Variants in PDE7B observed in about 807,000 individuals in gnomAD.
PDE7B encodes the protein 3',5'-cyclic-AMP phosphodiesterase 7B.
In PDE7B, 29 loss-of-function variants were observed where a neutral mutation model predicts 56.2. That is an observed-to-expected ratio of 0.52 (90% CI 0.38 to 0.70). The LOEUF is 0.70. Among genes scored for constraint, PDE7B ranks in the 30% least tolerant of loss-of-function variants. The pLI is 0.00. For synonymous variants in PDE7B, 197 were observed against 196.9 expected (o/e 1.00, Z 0.00); for missense variants, 490 against 565.0 (o/e 0.87, Z 1.35).
chr6:136,022,899 G>A (rs954404539), intron 2 of PDE7B, among the ~76,000 whole-genome samples: 1 of 152,222 alleles, frequency 6.6e-6, no homozygotes, highest in African/African-American at 2.4e-5. Context: ...TGAGAGGGTG[G>A]GAGAAACTAC....
intron 2 of PDE7B, chr6:136,094,841 T>A (rs994120715): frequency 6.6e-6 from 1 of 152,130 alleles, no homozygotes; most frequent in Non-Finnish European, 1.5e-5. Flanking sequence ...ATCCAGTTGG[T>A]CTACAGTCCA....
intron 3 of PDE7B, among the ~76,000 whole-genome samples, chr6:136,121,814 G>A (rs1287131115): frequency 1.3e-5 from 2 of 152,152 alleles, no homozygotes; most frequent in African/African-American, 4.8e-5. Context: ...CCAGGTATGG[G>A]AAAATGCTGA....
intron 2 of PDE7B, among the ~76,000 whole-genome samples, chr6:136,080,912 G>T (rs1484553975): frequency 1.3e-5 from 2 of 152,194 alleles, no homozygotes; most frequent in Admixed American, 6.5e-5. Context: ...GGGGAATGTG[G>T]TCTGGGAAAG....
At chr6:135,928,521 A>ATG (rs1774239215) in intron 1 of PDE7B, among the ~76,000 whole-genome samples, 1 of 134,234 alleles carries the variant, frequency 7.4e-6, no homozygotes, top group African/African-American at 2.7e-5. Flanking sequence ...ATATTTATTT[A>ATG]TATATATACA....
intron 3 of PDE7B, among the ~76,000 whole-genome samples, chr6:136,110,176 C>T (rs1205675510): frequency 1.3e-5 from 2 of 152,128 alleles, no homozygotes; most frequent in Non-Finnish European, 2.9e-5. Context: ...CTAGAGATAA[C>T]CTTCCCTACC....
chr6:136,002,938 C>T (rs1030763208), intron 2 of PDE7B, among the ~76,000 whole-genome samples: 19 of 151,836 alleles, frequency 1.3e-4, no homozygotes, highest in Non-Finnish European at 2.1e-4. Flanking sequence ...CAAAATTGAC[C>T]ACATACTTGG....
intron 1 of PDE7B, among the ~76,000 whole-genome samples, chr6:135,891,503 T>C (rs1775809754): frequency 1.3e-5 from 2 of 152,068 alleles, no homozygotes; most frequent in Admixed American, 1.3e-4. Flanking sequence ...ATTGGGAAAA[T>C]TATGGATGCA....
At chr6:136,015,452 C>A (rs116110134) in intron 2 of PDE7B, among the ~76,000 whole-genome samples, 316 of 152,296 alleles carry the variant, frequency 2.1e-3, no homozygotes, top group African/African-American at 7.5e-3. Context: ...AATAGAATTA[C>A]AAATTTGCTA....
chr6:135,961,136 G>A (rs780307903), intron 2 of PDE7B, among the ~76,000 whole-genome samples: 4 of 152,084 alleles, frequency 2.6e-5, no homozygotes, highest in Non-Finnish European at 2.9e-5. Flanking sequence ...AGAGATTGCC[G>A]ATTACCACTA....
intron 2 of PDE7B, among the ~76,000 whole-genome samples, chr6:136,097,667 CTCT>C (rs1368024574): frequency 2.0e-5 from 3 of 152,148 alleles, no homozygotes; most frequent in Admixed American, 6.5e-5. Context: ...CTCAGGAATT[CTCT>C]TAAGTCATCC....
chr6:136,106,186 TAC>T (rs1206613846), intron 2 of PDE7B, among the ~76,000 whole-genome samples: 4 of 152,236 alleles, frequency 2.6e-5, no homozygotes, highest in African/African-American at 4.8e-5. Context: ...ATAAAATCTA[TAC>T]AGTCTCCTCC....
At chr6:136,060,900 T>C (rs1776826737) in intron 2 of PDE7B, among the ~76,000 whole-genome samples, 1 of 152,156 alleles carries the variant, frequency 6.6e-6, no homozygotes, top group African/African-American at 2.4e-5. Context: ...GTCCTTGGAG[T>C]TGTATTGGCT....
intron 2 of PDE7B, among the ~76,000 whole-genome samples, chr6:136,078,603 A>C (rs559904060): frequency 6.6e-6 from 1 of 152,150 alleles, no homozygotes; most frequent in South Asian, 2.1e-4. Context: ...AAAAGGTATT[A>C]TGTAAAAGAG....
chr6:135,865,122 T>C (rs1583715002), intron 1 of PDE7B, among the ~76,000 whole-genome samples: 1 of 151,998 alleles, frequency 6.6e-6, no homozygotes, highest in Non-Finnish European at 1.5e-5. Flanking sequence ...TGGAATACTA[T>C]GCAGCCATAA....
intron 2 of PDE7B, among the ~76,000 whole-genome samples, chr6:135,961,281 A>ATGTGTGTGTGTGTGTG (rs771473679): frequency 2.9e-4 from 26 of 89,410 alleles, no homozygotes; most frequent in African/African-American, 6.6e-4. Flanking sequence ...GTGTGTGTGT[A>ATGTGTGTGTGTGTGTG]TGTGTGTGTG....
chr6:136,037,546 C>G (rs1305336830), intron 2 of PDE7B: 1 of 985,322 alleles, frequency 1.0e-6, no homozygotes, highest in Non-Finnish European at 1.2e-6. Context: ...AAGGTGCCCC[C>G]CAACCCCCAT....
At chr6:136,181,164 G>T (rs1439882804) in intron 10 of PDE7B, 63 bp from the exon 11 acceptor site, 2 of 1,150,224 alleles carry the variant, frequency 1.7e-6, no homozygotes, top group Non-Finnish European at 2.6e-6. Context: ...TCTTTGGCTT[G>T]GGGTGCTTTT....
At chr6:136,104,213 C>T (rs908517041) in intron 2 of PDE7B, among the ~76,000 whole-genome samples, 4 of 152,142 alleles carry the variant, frequency 2.6e-5, no homozygotes, top group Non-Finnish European at 4.4e-5. Context: ...ATCAGAATGC[C>T]CCTGCTGTTT....
At chr6:135,988,834 T>G (rs894702394) in intron 2 of PDE7B, among the ~76,000 whole-genome samples, 1 of 152,228 alleles carries the variant, frequency 6.6e-6, no homozygotes, top group Non-Finnish European at 1.5e-5. Flanking sequence ...TGGCTGTATC[T>G]CTTTTATAGA....
Sources: allele counts gnomAD v4.1 joint callset (sites outside exome capture counted in the v4.1 genomes callset), GRCh38; gene constraint gnomAD v4.1.1; transcripts MANE v1.5; gene names NCBI Gene and HGNC (gene_info 2026-07-23, HGNC 2026-07-21).